CFAP91: variants seen among roughly 807,000 people sequenced by gnomAD.
CFAP91 encodes the protein cilia- and flagella-associated protein 91.
A neutral mutation model predicts 95.9 loss-of-function variants in CFAP91; 85 were observed. The ratio of observed to expected loss-of-function variants is 0.89; its 90% CI spans 0.74 to 1.06. The LOEUF is 1.06. Ranked by LOEUF, CFAP91 falls within the 50% of genes least tolerant of loss-of-function variation. The pLI, the probability that CFAP91 is intolerant of heterozygous loss-of-function variation, is 0.00. For missense variants in CFAP91, 962 were observed against 943.4 expected, an observed-to-expected ratio of 1.02 and a Z score of -0.26; for synonymous variants, 335 against 327.5, an observed-to-expected ratio of 1.02 and a Z score of -0.25.
At chr3:119,705,383 T>C (rs545331749) in intron 1 of CFAP91, among the ~76,000 whole-genome samples, 1 of 152,334 alleles carries the variant, frequency 6.6e-6, no homozygotes, top group South Asian at 2.1e-4. Flanking sequence ...ATTAGTTCCC[T>C]AGTTACTTCT....
Position 119,750,933 on chromosome 3 carries a change from A to G in CFAP91, c.2144-4A>G. 6.2e-7 allele frequency: 1 copy of G among 1,613,880 alleles called. No homozygotes were observed. Among genetic ancestry groups the G allele is most frequent in the Non-Finnish European group, 8.5e-7 (1 of 1,179,818 alleles). On this transcript the variant is annotated splice_polypyrimidine_tract_variant and splice_region_variant and intron_variant, in intron 16 of 17. Coordinates refer to ENST00000273390, the MANE Select transcript of CFAP91 (RefSeq NM_033364.4). Reference sequence around the variant, plus strand: ...ATGAAAATTTTTCTATTACTTTGGCACAGTGAGGAACGCACAGCGGAAACA... The same window carrying G: ...ATGAAAATTTTTCTATTACTTTGGCGCAGTGAGGAACGCACAGCGGAAACA...
chr3:119,737,954 C>CA (rs2107895698), intron 11 of CFAP91, among the ~76,000 whole-genome samples: 1 of 152,326 alleles, frequency 6.6e-6, no homozygotes, highest in South Asian at 2.1e-4. Flanking sequence ...AGCAAAGTAT[C>CA]AGAGTTGGTT....
Position 119,714,353 on chromosome 3 carries a change from G to A in CFAP91, c.501-1209G>A, listed in dbSNP as rs542106981. Among the ~76,000 whole-genome samples, 466 of 135,102 alleles carry A rather than the reference G, an allele frequency of 3.4e-3. 2 individuals are homozygous for A. Among genetic ancestry groups the A allele is most frequent in the African/African-American group, 0.011 (411 of 36,682 alleles). 88.6% of individuals were successfully genotyped at this position (135,102 alleles called of 152,430 possible). A position where few individuals can be genotyped will look rare whatever the true frequency, so the allele number is the denominator to read the frequency against. On this transcript the variant is annotated intron_variant, in intron 5 of 17. Coordinates refer to ENST00000273390, the MANE Select transcript of CFAP91 (RefSeq NM_033364.4). ...TGCACTCTAACCTGGGCGACAGAGC[G>A]AGACTCCGTCTCAAAAAAAAAAAAA...
rs2053917662 is a variant in CFAP91, at chr3:119,732,393, G to C, written c.1118G>C (p.Gly373Ala). ...TCTGATTATGCATCACAGGTCTATG[G>C]ACCTCTGTCTCGTCTTGGGTGTTTC... ...DYSDYASQVYGPLSRLGCFPD... is the reference protein window; with the variant it reads ...DYSDYASQVYAPLSRLGCFPD... The change falls in exon 9 of 18, where the codon GGA (glycine) becomes GCA (alanine). Residue 373 changes from glycine to alanine, a missense_variant. Transcript: ENST00000273390. 6.2e-7 allele frequency: 1 copy of C among 1,613,336 alleles called. No homozygotes were observed. Among genetic ancestry groups the C allele is most frequent in the Non-Finnish European group, 8.5e-7 (1 of 1,179,610 alleles).
chr3:119,707,087 G>A (rs2053379582), intron 2 of CFAP91: 1 of 559,844 alleles, frequency 1.8e-6, no homozygotes, highest in African/African-American at 1.9e-5. Context: ...AATGAACAGA[G>A]AACCCATAAG....
intron 17 of CFAP91, among the ~76,000 whole-genome samples, chr3:119,758,488 A>G (rs761095474): frequency 2.0e-5 from 3 of 152,192 alleles, no homozygotes; most frequent in Non-Finnish European, 2.9e-5. Flanking sequence ...CTACTTTTCT[A>G]GTAGCATTTT....
chr3:119,715,421 T>C lies in CFAP91; in HGVS notation c.501-141T>C, dbSNP rs1480228354. ...TTTGTGCGCATAATCCTGGTTATAATGGATTCATGATTTTGTACCTGTCAA... is the reference window on the plus strand; with the variant it reads ...TTTGTGCGCATAATCCTGGTTATAACGGATTCATGATTTTGTACCTGTCAA... On this transcript the variant is annotated intron_variant, in intron 5 of 17. Coordinates refer to ENST00000273390, the MANE Select transcript of CFAP91 (RefSeq NM_033364.4). 8 of 779,752 alleles carry C rather than the reference T, an allele frequency of 1.0e-5. 1 individual carries two copies. Among genetic ancestry groups the C allele is most frequent in the South Asian group, 8.6e-5 (6 of 69,670 alleles). The allele number at this position is 779,752 out of a possible 1,614,324, so 48.3% of individuals were successfully genotyped here. A position where few individuals can be genotyped will look rare whatever the true frequency, so the allele number is the denominator to read the frequency against.
At chr3:119,737,081 A>G (rs931187531) in intron 10 of CFAP91, among the ~76,000 whole-genome samples, 4 of 152,198 alleles carry the variant, frequency 2.6e-5, no homozygotes, top group Non-Finnish European at 5.9e-5. Context: ...TAGGAATATC[A>G]TAGCACGTCT....
rs545159269 is a variant in CFAP91, at chr3:119,742,984, A to G, written c.1681-991A>G. ...AGGAGAGGAAAGGGGATGAAGTTGC[A>G]AAGTCATCTTAAACACTTTTCTTCT... On this transcript the variant is annotated intron_variant, in intron 13 of 17. Transcript: ENST00000273390. Among the ~76,000 whole-genome samples, 484 of 152,312 alleles carry G rather than the reference A, an allele frequency of 3.2e-3. 2 individuals carry two copies. The highest frequency in any genetic ancestry group is 4.8e-3 in the Non-Finnish European group (328 of 68,008).
intron 6 of CFAP91, among the ~76,000 whole-genome samples, chr3:119,720,623 T>C (rs2053666569): frequency 6.6e-6 from 1 of 152,194 alleles, no homozygotes; most frequent in Non-Finnish European, 1.5e-5. Context: ...TTTATGCAAC[T>C]TCTTTCAGGA....
chr3:119,709,104 G>T (rs1397251160), intron 4 of CFAP91, among the ~76,000 whole-genome samples: 1 of 152,190 alleles, frequency 6.6e-6, no homozygotes, highest in African/African-American at 2.4e-5. Context: ...TGTTCTCTTT[G>T]TATGAATCTT....
At chr3:119,715,775 A>G (rs758458612) in intron 6 of CFAP91, 32 bp downstream of exon 6, 43 of 1,595,810 alleles carry the variant, frequency 2.7e-5, no homozygotes, top group Non-Finnish European at 3.4e-5. Context: ...CTATTGGCAG[A>G]TGACGATGCT....
chr3:119,753,554 A>C (rs992774783), intron 17 of CFAP91, among the ~76,000 whole-genome samples: 15 of 152,234 alleles, frequency 9.9e-5, no homozygotes, highest in African/African-American at 3.1e-4. Context: ...GAACACAATC[A>C]AGAATATTCA....
At chr3:119,750,202 T>C (rs1227009013) in intron 16 of CFAP91, 1 of 152,214 alleles carries the variant, frequency 6.6e-6, no homozygotes, top group Non-Finnish European at 1.5e-5. Flanking sequence ...TTTATGTAAA[T>C]TACCTAATAT....
chr3:119,737,433 C>G lies in CFAP91; in HGVS notation c.1412C>G (p.Pro471Arg), dbSNP rs879601987. The change falls in exon 11 of 18, where the codon CCA becomes CGA. Residue 471 changes from proline to arginine, a missense_variant. Transcript: ENST00000273390. ...KKPPRFLQRN[P>R]IPQPRLPTPT... ...CCCCCTCGCTTCCTTCAAAGAAACC[C>G]AATACCTCAACCTCGGCTTCCAACT... The G allele has an allele frequency of 3.1e-5, 50 of 1,611,358 alleles. No homozygotes were observed. Among genetic ancestry groups the G allele is most frequent in the Non-Finnish European group, 4.2e-5 (49 of 1,178,988 alleles).
At position 119,763,416 on chromosome 3, in the gene CFAP91, C is replaced by CA. The variant is rs544712393; in HGVS notation, c.*2-1630dup. Among the ~76,000 whole-genome samples, 434 of 151,862 alleles carry CA rather than the reference C, an allele frequency of 2.9e-3. 2 individuals are homozygous for CA. Among genetic ancestry groups the CA allele is most frequent in the Non-Finnish European group, 3.4e-3 (229 of 67,840 alleles). ...TTGTGGAAAACATTATGGAGGTCCT[C>CA]AAAAAATAAAAAATAGAACTACCAT... On this transcript the variant is annotated intron_variant, in intron 17 of 17. Transcript: ENST00000273390.
chr3:119,707,396 A>C lies in CFAP91; in HGVS notation c.202-8A>C, dbSNP rs898537193. The C allele has an allele frequency of 9.8e-6, 15 of 1,529,252 alleles. No individual in the cohort carries two copies. Among genetic ancestry groups the C allele is most frequent in the Admixed American group, 1.9e-5 (1 of 53,708 alleles). 94.7% of individuals were successfully genotyped at this position (1,529,252 alleles called of 1,614,324 possible). A position where few individuals can be genotyped will look rare whatever the true frequency, so the allele number is the denominator to read the frequency against. ...ATTTTGTCCTTTGCCTCCCTTCTCT[A>C]ACATTAGAGAAAAGTTCCCAGGTTT... On this transcript the variant is annotated splice_region_variant and splice_polypyrimidine_tract_variant and intron_variant, in intron 2 of 17. Coordinates refer to ENST00000273390, the MANE Select transcript of CFAP91 (RefSeq NM_033364.4).
intron 17 of CFAP91, among the ~76,000 whole-genome samples, chr3:119,761,683 A>G (rs750284529): frequency 6.6e-6 from 1 of 152,024 alleles, no homozygotes; most frequent in Non-Finnish European, 1.5e-5. Context: ...ATGGCTCAAC[A>G]TACACAAATC....
At chr3:119,728,890 A>G (rs116289274) in intron 7 of CFAP91, among the ~76,000 whole-genome samples, 5,398 of 152,212 alleles carry the variant, frequency 0.035, 301 homozygotes, top group African/African-American at 0.12. Context: ...CCTGGTATGT[A>G]TCTCCTTGTG....
Sources: allele counts gnomAD v4.1 joint callset (sites outside exome capture counted in the v4.1 genomes callset), GRCh38; gene constraint gnomAD v4.1.1; transcripts MANE v1.5; gene names NCBI Gene and HGNC (gene_info 2026-07-23, HGNC 2026-07-21).